Variants in MEST observed in about 807,000 individuals in gnomAD.
MEST encodes mesoderm-specific transcript homolog protein.
MEST carries 18 observed loss-of-function variants against 50.9 expected under a neutral mutation model. The observed-to-expected ratio is 0.35, with a 90% CI of 0.24 to 0.52. The LOEUF (loss-of-function observed/expected upper bound fraction) is 0.52, where lower values mean the gene tolerates loss of function less well. MEST is among the 20% of genes least tolerant of loss of function. The pLI is 0.94. For synonymous variants in MEST, 130 were observed against 154.1 expected, an observed-to-expected ratio of 0.84 and a Z score of 1.16; for missense variants, 282 against 425.3, an observed-to-expected ratio of 0.66 and a Z score of 2.96.
intron 1 of MEST, among the ~76,000 whole-genome samples, chr7:130,493,983 G>A (rs1302917593): frequency 1.3e-5 from 2 of 152,120 alleles, no homozygotes; most frequent in African/African-American, 2.4e-5. Flanking sequence ...TGAGAAGTAG[G>A]ACCAAATGGT....
intron 10 of MEST, among the ~76,000 whole-genome samples, chr7:130,503,277 G>C (rs146200700): frequency 1.3e-5 from 2 of 152,292 alleles, no homozygotes; most frequent in East Asian, 3.9e-4. Context: ...CAAATGTCAA[G>C]GGTCTGTTAT....
intron 9 of MEST, among the ~76,000 whole-genome samples, chr7:130,501,988 AAAAAAAAAAAAG>A (rs1271734622): frequency 2.1e-5 from 2 of 95,880 alleles, no homozygotes; most frequent in East Asian, 3.8e-4. Flanking sequence ...CTCCGTCTCA[AAAAAAAAAAAAG>A]AAAAAAAAAA....
chr7:130,502,163 G>A (rs782774397), intron 9 of MEST, among the ~76,000 whole-genome samples: 3 of 150,486 alleles, frequency 2.0e-5, no homozygotes, highest in Non-Finnish European at 4.4e-5. Flanking sequence ...TATAGCTGTA[G>A]TGAGCTATGA....
intron 2 of MEST, 64 bp downstream of exon 2, chr7:130,495,586 A>T: frequency 1.3e-6 from 2 of 1,527,614 alleles, no homozygotes; most frequent in Non-Finnish European, 1.8e-6. Context: ...TGAGGTATTT[A>T]TTTTGTGGCT....
intron 2 of MEST, chr7:130,495,728 T>C: frequency 2.1e-6 from 1 of 467,274 alleles, no homozygotes; most frequent in South Asian, 4.9e-5. Flanking sequence ...CTGCAGACCT[T>C]ACCTTTTAGT....
At chr7:130,494,517 T>C (rs1400937847) in intron 1 of MEST, 2 of 152,216 alleles carry the variant, frequency 1.3e-5, no homozygotes, top group East Asian at 3.8e-4. Context: ...ACCAGTGCTC[T>C]TTTTCCAAAG....
chr7:130,491,367 G>A (rs1389638234), upstream of MEST: 2 of 152,384 alleles, frequency 1.3e-5, no homozygotes, highest in East Asian at 1.9e-4. The surrounding 1 kb of genome is among the most constrained non-coding windows in gnomAD (Gnocchi z 6.8). Flanking sequence ...TGCTGACCAC[G>A]TCGCGCTGCT....
chr7:130,499,909 C>T lies in MEST; in HGVS notation c.570C>T (p.Leu190=). ...CTGAGACTCACCGTCCACTCCTTCT[C>T]CAAAAGGTTGGTACTTCACTGATAG... is the stretch of plus-strand genomic sequence containing the variant. The part of the protein sequence containing the change: ...IFPETHRPLL[L]QKLLKDGGVL... The change falls in exon 7 of 12, where the codon CTC becomes CTT. Residue 190 remains leucine (L), a synonymous_variant. Transcript: ENST00000223215. The T allele has an allele frequency of 6.2e-7, 1 of 1,612,494 alleles. No homozygotes were observed. Among genetic ancestry groups the T allele is most frequent in the South Asian group, 1.1e-5 (1 of 90,876 alleles).
rs1413952252 is a variant in MEST, at chr7:130,505,581, A to C, written c.*525A>C. The C allele has an allele frequency of 6.6e-6, 1 of 152,502 alleles. No individual in the cohort carries two copies. Among genetic ancestry groups the C allele is most frequent in the Admixed American group, 6.5e-5 (1 of 15,328 alleles). 9.4% of individuals were successfully genotyped at this position (152,502 alleles called of 1,614,324 possible). A position where few individuals can be genotyped will look rare whatever the true frequency, so the allele number is the denominator to read the frequency against. ...ATACCTTTGGATTTAGTGTTTCATC[A>C]GCTGTTTTTAGTTATAAACATTTTG... On this transcript the variant is annotated 3_prime_UTR_variant, in exon 12 of 12. Transcript: ENST00000223215.
intron 1 of MEST, among the ~76,000 whole-genome samples, chr7:130,494,159 T>C (rs1159067439): frequency 6.6e-6 from 1 of 152,070 alleles, no homozygotes; most frequent in Non-Finnish European, 1.5e-5. Flanking sequence ...ATCAGGGATA[T>C]GGGGGGGAAA....
rs1180177973 is a variant in MEST at position 130,492,181 on chromosome 7, G to A, written c.-133G>A. ...CACGCCGGAGTGGCTGTAGCTGCCCGGCGCGGCGCCGCCCTGCGCGGGCTG... is the reference window on the plus strand; with the variant it reads ...CACGCCGGAGTGGCTGTAGCTGCCCAGCGCGGCGCCGCCCTGCGCGGGCTG... On this transcript the variant is annotated 5_prime_UTR_variant, in exon 1 of 12. Coordinates refer to ENST00000223215, the MANE Select transcript of MEST (RefSeq NM_002402.4). The surrounding 1 kb of genome is among the most constrained non-coding windows in gnomAD (Gnocchi z 7.6). 9 of 634,836 alleles carry A rather than the reference G, an allele frequency of 1.4e-5. No individual in the cohort carries two copies. Among genetic ancestry groups the A allele is most frequent in the African/African-American group, 1.9e-5 (1 of 51,494 alleles). The allele number at this position is 634,836 out of a possible 1,614,324, so 39.3% of individuals were successfully genotyped here. A position where few individuals can be genotyped will look rare whatever the true frequency, so the allele number is the denominator to read the frequency against.
intron 5 of MEST, 55 bp from the exon 6 acceptor site, chr7:130,498,364 G>T: frequency 6.2e-7 from 1 of 1,611,274 alleles, no homozygotes; most frequent in Non-Finnish European, 8.5e-7. Context: ...GTTTTCAGCG[G>T]TGCACTGGTT....
chr7:130,488,472 C>T (rs1367483793), upstream of MEST: 3 of 152,218 alleles, frequency 2.0e-5, no homozygotes, highest in Non-Finnish European at 4.4e-5. Flanking sequence ...CAAACATGCC[C>T]ATCTATTTCA....
intron 6 of MEST, among the ~76,000 whole-genome samples, chr7:130,499,001 G>A (rs1433393218): frequency 1.3e-5 from 2 of 152,142 alleles, no homozygotes; most frequent in Non-Finnish European, 2.9e-5. Flanking sequence ...CGTTATAATG[G>A]AACCAATTTT....
chr7:130,499,703 G>T (rs1209540864), intron 6 of MEST, among the ~76,000 whole-genome samples, 172 bp from the exon 7 acceptor site: 1 of 152,046 alleles, frequency 6.6e-6, no homozygotes, highest in African/African-American at 2.4e-5. Context: ...TGACCTAAAT[G>T]TAGGTAGGCT....
Position 130,492,497 on chromosome 7 carries a change from A to G in MEST, c.26+158A>G. 1 of 516,060 alleles carries G rather than the reference A, an allele frequency of 1.9e-6. No individual in the cohort carries two copies. The highest frequency in any genetic ancestry group is 3.0e-6 in the Non-Finnish European group (1 of 335,010). The allele number at this position is 516,060 out of a possible 1,614,324, so 32.0% of individuals were successfully genotyped here. A position where few individuals can be genotyped will look rare whatever the true frequency, so the allele number is the denominator to read the frequency against. ...ATTCCGCGCCCGCTCTGCCTACTTG[A>G]GGAGGGGGTGTCACTCCTGCCCGCA... On this transcript the variant is annotated intron_variant, in intron 1 of 11. Transcript: ENST00000223215. This position sits in a 1 kb window ranked among gnomAD's most constrained non-coding sequence, Gnocchi z 7.6.
intron 6 of MEST, among the ~76,000 whole-genome samples, chr7:130,499,264 C>T (rs1554437986): frequency 6.6e-6 from 1 of 152,202 alleles, no homozygotes; most frequent in African/African-American, 2.4e-5. Context: ...TAAGAGCAGA[C>T]TGGGAGAGAA....
At chr7:130,498,811 G>T in intron 6 of MEST, 1 of 396,610 alleles carries the variant, frequency 2.5e-6, no homozygotes, top group African/African-American at 2.0e-5. Context: ...TATATCAGAA[G>T]GAGTGAGGAG....
chr7:130,494,386 C>T (rs1798957970), intron 1 of MEST: 1 of 152,118 alleles, frequency 6.6e-6, no homozygotes, highest in Non-Finnish European at 1.5e-5. Context: ...GATCTGTTGA[C>T]CATCAGAAGT....
Sources: allele counts gnomAD v4.1 joint callset (sites outside exome capture counted in the v4.1 genomes callset), GRCh38; gene constraint gnomAD v4.1.1; non-coding constraint Gnocchi (gnomAD v3.1); transcripts MANE v1.5; gene names NCBI Gene and HGNC (gene_info 2026-07-23, HGNC 2026-07-21).